PRKX: variants seen among roughly 807,000 people sequenced by gnomAD.
The protein encoded by PRKX is protein kinase cAMP-dependent X-linked catalytic subunit, also known as cAMP-dependent protein kinase catalytic subunit PRKX.
Under a neutral mutation model 22.0 loss-of-function variants are expected in PRKX, and 12 were observed. The ratio of observed to expected loss-of-function variants is 0.54; its 90% CI spans 0.35 to 0.88. PRKX has a LOEUF of 0.88. PRKX is among the 40% of genes least tolerant of loss of function. The pLI is 0.01. For missense variants in PRKX, 217 were observed against 308.0 expected (o/e 0.70, Z 2.21); for synonymous variants, 134 against 137.7 (o/e 0.97, Z 0.19).
intron 4 of PRKX, among the ~76,000 whole-genome samples, chrX:3,633,729 A>G (rs1157179620): frequency 9.0e-6 from 1 of 110,506 alleles, no homozygotes. Flanking sequence ...TCTCCCTCCT[A>G]CTCAGCTGGA....
intron 4 of PRKX, among the ~76,000 whole-genome samples, chrX:3,633,414 A>C (rs741424): frequency 0.16 from 17,452 of 107,856 alleles, 1,319 homozygotes; most frequent in Admixed American, 0.35. Context: ...ATTTTAAAAA[A>C]TTAGCCAGGT....
intron 4 of PRKX, among the ~76,000 whole-genome samples, chrX:3,630,361 C>T (rs1240002236): frequency 9.0e-6 from 1 of 111,268 alleles, no homozygotes; most frequent in Non-Finnish European, 1.9e-5. Flanking sequence ...GAGATCGAGA[C>T]CATCCTGGCT....
Position 3,709,950 on chromosome X carries a change from T to C in PRKX, c.166+3138A>G, listed in dbSNP as rs369343699. ...GTATGCGCCACCATGCCCAGCTAAC[T>C]ATTACTACTATTTTTTTTAAGAGAT... On this transcript the variant is annotated intron_variant, in intron 1 of 8. Transcript: ENST00000262848. 6.4e-5 allele frequency among the ~76,000 whole-genome samples: 7 copies of C among 109,349 alleles called. No individual in the cohort carries two copies. In the East Asian group the frequency reaches 8.6e-4, roughly 13 times the overall value. 95.0% of individuals were successfully genotyped at this position (109,349 alleles called of 115,157 possible). A position where few individuals can be genotyped will look rare whatever the true frequency, so the allele number is the denominator to read the frequency against.
intron 2 of PRKX, among the ~76,000 whole-genome samples, chrX:3,663,630 T>TAAA (rs780899033): frequency 7.6e-5 from 5 of 66,209 alleles, no homozygotes; most frequent in African/African-American, 3.0e-4. Context: ...CCACATCTCT[T>TAAA]AAAAAAAAAA....
intron 2 of PRKX, among the ~76,000 whole-genome samples, chrX:3,669,919 C>T (rs61255079): frequency 0.018 from 1,994 of 111,923 alleles, 51 homozygotes; most frequent in African/African-American, 0.061. Context: ...CTTTGCCCTC[C>T]CTCCCTGAAG....
Position 3,627,307 on chromosome X carries a change from G to C in PRKX, c.720-793C>G, listed in dbSNP as rs778324859. On this transcript the variant is annotated intron_variant, in intron 4 of 8. Transcript: ENST00000262848. Reference sequence around the variant, plus strand: ...TGAGGCAGGAGAATCACTTGAACCCGGAAGGTGGAGGTTGCAGTGAGCCGA... The same window carrying C: ...TGAGGCAGGAGAATCACTTGAACCCCGAAGGTGGAGGTTGCAGTGAGCCGA... Among the ~76,000 whole-genome samples the C allele has an allele frequency of 1.9e-3, 207 of 106,764 alleles. 1 individual carries two copies. In the South Asian group the frequency reaches 0.023, roughly 12 times the overall value. The allele number at this position is 106,764 out of a possible 115,157, so 92.7% of individuals were successfully genotyped here. A position where few individuals can be genotyped will look rare whatever the true frequency, so the allele number is the denominator to read the frequency against.
At chrX:3,623,151 C>CGTGTGTGT (rs60593114) in intron 5 of PRKX, among the ~76,000 whole-genome samples, 4,962 of 96,001 alleles carry the variant, frequency 0.052, 151 homozygotes, top group Non-Finnish European at 0.06. Context: ...TAAATTTCAA[C>CGTGTGTGT]GTGTGTGTGT....
At chrX:3,677,121 G>T (rs866110467) in intron 1 of PRKX, among the ~76,000 whole-genome samples, 5 of 110,992 alleles carry the variant, frequency 4.5e-5, no homozygotes, top group African/African-American at 9.8e-5. Context: ...TAGGGCTTGA[G>T]GGGGAAGGGG....
At chrX:3,657,231 A>G (rs1927498815) in intron 2 of PRKX, among the ~76,000 whole-genome samples, 1 of 111,926 alleles carries the variant, frequency 8.9e-6, no homozygotes, top group South Asian at 3.7e-4. Context: ...ACAGTATGCT[A>G]TGGGCTGAAC....
chrX:3,647,651 A>G (rs1927217295), intron 3 of PRKX, among the ~76,000 whole-genome samples: 1 of 107,933 alleles, frequency 9.3e-6, no homozygotes, highest in Non-Finnish European at 1.9e-5. Context: ...TATTACAATT[A>G]TATAGTTATT....
Position 3,626,439 on chromosome X carries a change from T to G in PRKX, c.795A>C (p.Arg265Ser), listed in dbSNP as rs1926660477. The G allele has an allele frequency of 6.6e-6, 8 of 1,208,187 alleles. No homozygotes were observed. Among genetic ancestry groups the G allele is most frequent in the Non-Finnish European group, 9.0e-6 (8 of 892,287 alleles). The stretch of plus-strand genomic sequence containing the variant: ...CTTACTTTACATGGAAATCCAAATG[T>G]CTGGGGAAATCTATTTTGCCTGCAA... Reference protein sequence around the residue: ...KILAGKIDFPRHLDFHVKDLI... With the variant: ...KILAGKIDFPSHLDFHVKDLI... The change falls in exon 5 of 9, where the codon AGA (arginine) becomes AGC (serine). Residue 265 changes from arginine to serine, a missense_variant. Transcript: ENST00000262848.
In PRKX at chrX:3,672,176, C is replaced by G. The variant is rs192510429; in HGVS notation, c.335+2422G>C. 2.7e-3 allele frequency among the ~76,000 whole-genome samples: 297 copies of G among 110,375 alleles called. 1 individual carries two copies. The highest frequency in any genetic ancestry group is 3.1e-3 in the Non-Finnish European group (162 of 52,894). ...CACCATTGCACTCCAAGATGGGCCA[C>G]AGAGCAAAACCCGTCTCTAAATGTA... On this transcript the variant is annotated intron_variant, in intron 2 of 8. Transcript: ENST00000262848.
chrX:3,665,399 C>G (rs1456762441), intron 2 of PRKX, among the ~76,000 whole-genome samples: 1 of 110,378 alleles, frequency 9.1e-6, no homozygotes, highest in Non-Finnish European at 1.9e-5. Context: ...TCGCTTGAAC[C>G]CAGGAGGCAC....
chrX:3,682,730 G>GCTTCCC (rs1379496604), intron 1 of PRKX, among the ~76,000 whole-genome samples: 6 of 109,220 alleles, frequency 5.5e-5, no homozygotes, highest in Non-Finnish European at 1.1e-4. Flanking sequence ...GCAGGAAGGA[G>GCTTCCC]CTTCCCCTGG....
At chrX:3,668,356 G>C (rs2146592195) in intron 2 of PRKX, among the ~76,000 whole-genome samples, 1 of 110,496 alleles carries the variant, frequency 9.1e-6, no homozygotes, top group East Asian at 2.8e-4. Context: ...GCTATTTCTA[G>C]ATTTTTGCCT....
intron 2 of PRKX, among the ~76,000 whole-genome samples, chrX:3,662,694 CAAAAAAAAAAAA>C (rs55726241): frequency 1.1e-4 from 5 of 44,270 alleles, no homozygotes; most frequent in Non-Finnish European, 1.9e-4. Flanking sequence ...GACTCCATCT[CAAAAAAAAAAAA>C]AAAAAAAAAT....
chrX:3,680,314 T>C (rs1928046382), intron 1 of PRKX, among the ~76,000 whole-genome samples: 1 of 110,762 alleles, frequency 9.0e-6, no homozygotes, highest in Non-Finnish European at 1.9e-5. Flanking sequence ...TGGCTAATTT[T>C]TGTATTTTTA....
chrX:3,644,864 G>A (rs756777564), intron 3 of PRKX, among the ~76,000 whole-genome samples: 20 of 111,792 alleles, frequency 1.8e-4, no homozygotes, highest in Middle Eastern at 4.6e-3. Flanking sequence ...TCATGCTACA[G>A]GCATTAGCTG....
At position 3,616,463 on chromosome X, in the gene PRKX, C is replaced by A. The variant is rs1043347527; in HGVS notation, c.874-571G>T. On this transcript the variant is annotated intron_variant, in intron 6 of 8. Coordinates refer to ENST00000262848, the MANE Select transcript of PRKX (RefSeq NM_005044.5). ...TAGCACCAGGCATCGCTGGCTCACA[C>A]TGTGGCCATCACGACCTCTGAAATC... Among the ~76,000 whole-genome samples the A allele has an allele frequency of 1.8e-4, 20 of 111,736 alleles. 1 individual carries two copies. The highest frequency in any genetic ancestry group is 6.5e-4 in the African/African-American group (20 of 30,774).
Sources: allele counts gnomAD v4.1 joint callset (sites outside exome capture counted in the v4.1 genomes callset), GRCh38; gene constraint gnomAD v4.1.1; transcripts MANE v1.5; gene names NCBI Gene and HGNC (gene_info 2026-07-23, HGNC 2026-07-21).